The following BPI variants were observed in gnomAD, a reference collection of about 807,000 sequenced individuals.
BPI encodes the protein bactericidal permeability-increasing protein.
Under a neutral mutation model 57.6 loss-of-function variants are expected in BPI, and 48 were observed. The ratio of observed to expected loss-of-function variants is 0.83; its 90% CI spans 0.66 to 1.06. BPI has a LOEUF of 1.06. Among genes scored for constraint, BPI ranks in the 50% least tolerant of loss-of-function variants. The pLI, the probability that BPI is intolerant of heterozygous loss-of-function variation, is 0.00. For missense variants in BPI, 651 were observed against 609.7 expected, an observed-to-expected ratio of 1.07 and a Z score of -0.71; for synonymous variants, 237 against 238.2, an observed-to-expected ratio of 0.99 and a Z score of 0.05.
chr20:38,305,384 C>G (rs1031926811), intron 1 of BPI, among the ~76,000 whole-genome samples: 17 of 152,188 alleles, frequency 1.1e-4, no homozygotes, highest in Non-Finnish European at 2.1e-4. Context: ...CCCCTTCTAC[C>G]CAGGCCCCTT....
In BPI at chr20:38,308,929, G is replaced by A. The variant is rs755368730; in HGVS notation, c.246-1G>A. Reference sequence around the variant, plus strand: ...ATGACATTCACATTTCTCCTTTGCAGCATGGACATCCGTGAATTCCAGCTT... The same window carrying A: ...ATGACATTCACATTTCTCCTTTGCAACATGGACATCCGTGAATTCCAGCTT... On this transcript the variant is annotated splice_acceptor_variant, in intron 2 of 14. Transcript: ENST00000642449. LOFTEE classifies it high-confidence loss of function. 6.2e-6 allele frequency: 10 copies of A among 1,614,026 alleles called. No homozygotes were observed. Among genetic ancestry groups the A allele is most frequent in the Non-Finnish European group, 8.5e-6 (10 of 1,180,010 alleles).
chr20:38,323,363 G>C (rs1411359995), intron 7 of BPI, among the ~76,000 whole-genome samples: 1 of 152,198 alleles, frequency 6.6e-6, no homozygotes, highest in East Asian at 1.9e-4. Context: ...GCTTATGAGT[G>C]CTCTCACCAA....
At chr20:38,328,592 T>C (rs1046582240) in intron 11 of BPI, among the ~76,000 whole-genome samples, 1 of 150,140 alleles carries the variant, frequency 6.7e-6, no homozygotes, top group African/African-American at 2.5e-5. Flanking sequence ...GCCAACAGCA[T>C]TATTGTGAGC....
intron 5 of BPI, among the ~76,000 whole-genome samples, chr20:38,316,115 T>C (rs1053214650): frequency 3.3e-5 from 5 of 152,168 alleles, no homozygotes; most frequent in Non-Finnish European, 7.4e-5. Flanking sequence ...ATTACAGGCG[T>C]GAGCCACCAC....
chr20:38,311,405 G>A (rs866813319), intron 4 of BPI, among the ~76,000 whole-genome samples: 2 of 152,206 alleles, frequency 1.3e-5, no homozygotes, highest in African/African-American at 4.8e-5. Context: ...TTCTATGAAC[G>A]CAGAGAACCA....
rs753350087 is a variant in BPI at position 38,304,252 on chromosome 20, G to A, written c.29G>A (p.Arg10Lys). The change falls in exon 1 of 15, where the codon AGA (arginine) becomes AAA (lysine). Residue 10 changes from arginine to lysine, a missense_variant. By Grantham distance (26) the Arg-to-Lys change is conservative (BLOSUM62 2). Transcript: ENST00000642449. ...GCCAGGGGCCCTTGCAACGCGCCGA[G>A]ATGGGCGTCCCTGATGGTGCTGGTC... MARGPCNAP[R>K]WASLMVLVAI... 5 of 1,614,204 alleles carry A rather than the reference G, an allele frequency of 3.1e-6. No individual in the cohort carries two copies. Among genetic ancestry groups the A allele is most frequent in the Non-Finnish European group, 4.2e-6 (5 of 1,180,034 alleles).
At chr20:38,326,026 C>G (rs1404096424) in intron 9 of BPI, among the ~76,000 whole-genome samples, 7 of 152,074 alleles carry the variant, frequency 4.6e-5, no homozygotes, top group Non-Finnish European at 1.0e-4. Context: ...GGCAAGAGAG[C>G]TTGTTGAGTT....
chr20:38,315,584 T>C (rs1385133889), intron 5 of BPI, among the ~76,000 whole-genome samples: 2 of 152,214 alleles, frequency 1.3e-5, no homozygotes, highest in African/African-American at 2.4e-5. Context: ...GGGCCTCAGC[T>C]GCCAGCTGTG....
In BPI at chr20:38,318,488, A is replaced by T; in HGVS notation, c.664+12A>T. 2 of 1,610,502 alleles carry T rather than the reference A, an allele frequency of 1.2e-6. No homozygotes were observed. The highest frequency in any genetic ancestry group is 1.7e-6 in the Non-Finnish European group (2 of 1,176,726). ...CCAGACTCTGCCAGGTGAGGGCTGGATGAAGATCAAGGATAGAAAGGAACA... is the reference window on the plus strand; with the variant it reads ...CCAGACTCTGCCAGGTGAGGGCTGGTTGAAGATCAAGGATAGAAAGGAACA... On this transcript the variant is annotated intron_variant, in intron 6 of 14. Coordinates refer to ENST00000642449, the MANE Select transcript of BPI (RefSeq NM_001725.3).
intron 1 of BPI, among the ~76,000 whole-genome samples, chr20:38,304,983 G>C (rs116114102): frequency 6.6e-6 from 1 of 152,234 alleles, no homozygotes; most frequent in Non-Finnish European, 1.5e-5. Context: ...ACATTTACAC[G>C]TGAGAAGTGG....
intron 5 of BPI, among the ~76,000 whole-genome samples, chr20:38,314,112 A>G: frequency 7.6e-6 from 1 of 132,198 alleles, no homozygotes; most frequent in Non-Finnish European, 1.7e-5. Flanking sequence ...GGTGATGGTA[A>G]TGGTGGGGAA....
At chr20:38,330,332 T>G (rs1035397342) in intron 11 of BPI, among the ~76,000 whole-genome samples, 1 of 152,212 alleles carries the variant, frequency 6.6e-6, no homozygotes, top group African/African-American at 2.4e-5. Flanking sequence ...TGTTTCCTCA[T>G]CTGTAAAAAT....
rs571648809 is a variant in BPI at position 38,326,203 on chromosome 20, G to A, written c.994-62G>A. 2.6e-6 allele frequency: 4 copies of A among 1,527,410 alleles called. No individual in the cohort carries two copies. The Admixed American group carries it at 7.4e-5, about 28-fold the overall frequency. 94.6% of individuals were successfully genotyped at this position (1,527,410 alleles called of 1,614,324 possible). On this transcript the variant is annotated intron_variant, in intron 9 of 14. Transcript: ENST00000642449. ...TTTAAGTAGGGGCAGGCCAAGGTAG[G>A]ATTCAGAAACATTTTAACAGAAACT...
At position 38,328,396 on chromosome 20, in the gene BPI, T is replaced by C. The variant is rs112855507; in HGVS notation, c.1229+741T>C. Among the ~76,000 whole-genome samples, 521 of 151,780 alleles carry C rather than the reference T, an allele frequency of 3.4e-3. 4 individuals carry two copies. Among genetic ancestry groups the C allele is most frequent in the African/African-American group, 0.012 (500 of 41,382 alleles). ...GGTGAAACCCTGTCTCTATTAAAAA[T>C]AAAAAATTAACTGGGCATGGTCAGG... is the stretch of plus-strand genomic sequence containing the variant. On this transcript the variant is annotated intron_variant, in intron 11 of 14. Coordinates refer to ENST00000642449, the MANE Select transcript of BPI (RefSeq NM_001725.3).
chr20:38,314,657 G>A (rs1285469414), intron 5 of BPI, among the ~76,000 whole-genome samples: 1 of 146,444 alleles, frequency 6.8e-6, no homozygotes, highest in Non-Finnish European at 1.5e-5. Context: ...TGGTGGGGAT[G>A]ATGATAATGA....
chr20:38,334,751 A>G (rs2122570714), intron 13 of BPI, among the ~76,000 whole-genome samples: 1 of 152,334 alleles, frequency 6.6e-6, no homozygotes, highest in African/African-American at 2.4e-5. Flanking sequence ...GATTATTAAC[A>G]TCTCCAACTT....
rs551279584 is a variant in BPI at position 38,307,068 on chromosome 20, G to A, written c.131-499G>A. Among the ~76,000 whole-genome samples the A allele has an allele frequency of 3.1e-3, 466 of 151,914 alleles. 2 individuals are homozygous for A. The highest frequency in any genetic ancestry group is 0.011 in the African/African-American group (450 of 41,404). ...TAAAAAGTTAGCCTGGTGTGGTGGC[G>A]AACACCTGTGATCCCAGCTGCTAGG... On this transcript the variant is annotated intron_variant, in intron 1 of 14. Coordinates refer to ENST00000642449, the MANE Select transcript of BPI (RefSeq NM_001725.3).
In BPI at chr20:38,310,665, G is replaced by A. The variant is rs372600089; in HGVS notation, c.536+13G>A. 106 of 1,601,422 alleles carry A rather than the reference G, an allele frequency of 6.6e-5. No individual in the cohort carries two copies. The highest frequency in any genetic ancestry group is 8.9e-5 in the South Asian group (8 of 90,078). On this transcript the variant is annotated intron_variant, in intron 4 of 14. Coordinates refer to ENST00000642449, the MANE Select transcript of BPI (RefSeq NM_001725.3). ...AGAGCAAAGTGGGGTATGGACTCCC[G>A]GGACTGTGGCTGGGAGGAGGGACTT...
intron 1 of BPI, among the ~76,000 whole-genome samples, chr20:38,306,460 G>T (rs1021186767): frequency 6.6e-6 from 1 of 152,210 alleles, no homozygotes; most frequent in Admixed American, 6.5e-5. Flanking sequence ...AGAGACATTC[G>T]TCAGAGTCAC....
Sources: gnomAD v4.1 joint callset for allele counts (sites outside exome capture counted in the v4.1 genomes callset) on GRCh38, gnomAD v4.1.1 for gene constraint, MANE v1.5 for transcripts, NCBI Gene and HGNC (gene_info 2026-07-23, HGNC 2026-07-21) for gene names.